The following GALK2 variants were observed in gnomAD, a reference collection of about 807,000 sequenced individuals.
The protein encoded by GALK2 is N-acetylgalactosamine kinase.
In GALK2, 36 loss-of-function variants were observed where a neutral mutation model predicts 52.4. The observed-to-expected ratio is 0.69, with a 90% CI of 0.53 to 0.91. The LOEUF (loss-of-function observed/expected upper bound fraction) is 0.91. Ranked by LOEUF, GALK2 falls within the 40% of genes least tolerant of loss-of-function variation. GALK2 has a pLI of 0.00. For missense variants in GALK2, 579 were observed against 559.1 expected, an observed-to-expected ratio of 1.04 and a Z score of -0.36; for synonymous variants, 176 against 199.1, an observed-to-expected ratio of 0.88 and a Z score of 0.98.
At chr15:49,351,951 T>C (rs2042317499) in intron 3 of GALK2, among the ~76,000 whole-genome samples, 1 of 152,222 alleles carries the variant, frequency 6.6e-6, no homozygotes, top group Non-Finnish European at 1.5e-5. Flanking sequence ...ATTTATATTA[T>C]TACCTCTGTA....
intron 5 of GALK2, among the ~76,000 whole-genome samples, chr15:49,244,106 T>C (rs2091232910): frequency 6.6e-6 from 1 of 151,892 alleles, no homozygotes; most frequent in South Asian, 2.1e-4. Flanking sequence ...TATTAGAAAT[T>C]ATTATTATTA....
Position 49,170,248 on chromosome 15 carries a change from C to G in GALK2, c.-75C>G. The G allele has an allele frequency of 6.5e-7, 1 of 1,543,736 alleles. No individual in the cohort carries two copies. Among genetic ancestry groups the G allele is most frequent in the Non-Finnish European group, 8.8e-7 (1 of 1,141,890 alleles). On this transcript the variant is annotated 5_prime_UTR_variant, in exon 1 of 10. Coordinates refer to ENST00000560031, the MANE Select transcript of GALK2 (RefSeq NM_002044.4). Reference sequence around the variant, plus strand: ...TCCCGGAAGAAAACGGCTCCTGTCACAGAAGTCTCGTGATTGCTCTGGGAG... The same window carrying G: ...TCCCGGAAGAAAACGGCTCCTGTCAGAGAAGTCTCGTGATTGCTCTGGGAG...
At position 49,193,708 on chromosome 15, in the gene GALK2, T is replaced by A. The variant is rs672777; in HGVS notation, c.54-7454T>A. On this transcript the variant is annotated intron_variant, in intron 1 of 9. Coordinates refer to ENST00000560031, the MANE Select transcript of GALK2 (RefSeq NM_002044.4). ...AGAAGTCTAACCAATTGTACTAGCA[T>A]TCTGTTTTTTTATTTTTTTATTTTT... 1.8e-4 allele frequency among the ~76,000 whole-genome samples: 27 copies of A among 151,524 alleles called. No homozygotes were observed. The East Asian group carries it at 5.3e-3, about 30-fold the overall frequency.
chr15:49,225,345 A>C, intron 3 of GALK2: 1 of 414,924 alleles, frequency 2.4e-6, no homozygotes, highest in Non-Finnish European at 4.8e-6. Flanking sequence ...GCCACACAGC[A>C]GGAGGTGAGT....
chr15:49,360,352 A>G (rs2043991245), intron 3 of GALK2, among the ~76,000 whole-genome samples: 1 of 152,198 alleles, frequency 6.6e-6, no homozygotes. Flanking sequence ...AACTGCAACA[A>G]AATGTGAATG....
At chr15:49,276,574 C>A (rs1442581537) in intron 5 of GALK2, among the ~76,000 whole-genome samples, 1 of 152,226 alleles carries the variant, frequency 6.6e-6, no homozygotes, top group Non-Finnish European at 1.5e-5. Context: ...GCAAGTCACT[C>A]TGTCTGATTA....
At chr15:49,209,170 A>G (rs558471745) in intron 2 of GALK2, among the ~76,000 whole-genome samples, 1 of 152,316 alleles carries the variant, frequency 6.6e-6, no homozygotes, top group South Asian at 2.1e-4. Flanking sequence ...AACACTAGCT[A>G]TTTTTAATAC....
intron 3 of GALK2, among the ~76,000 whole-genome samples, chr15:49,364,403 G>C (rs530259988): frequency 5.3e-5 from 8 of 152,230 alleles, no homozygotes; most frequent in African/African-American, 1.9e-4. Flanking sequence ...TGTGCATAGA[G>C]ATGTTCATAG....
intron 3 of GALK2, among the ~76,000 whole-genome samples, chr15:49,355,695 A>G (rs2043034775): frequency 6.6e-6 from 1 of 151,348 alleles, no homozygotes; most frequent in Non-Finnish European, 1.5e-5. Flanking sequence ...AACTTCCCCA[A>G]TCTAGCAAGG....
intron 2 of GALK2, among the ~76,000 whole-genome samples, chr15:49,208,250 CTGTT>C (rs2141340000): frequency 1.3e-5 from 2 of 152,278 alleles, no homozygotes; most frequent in Non-Finnish European, 2.9e-5. Flanking sequence ...CTTAGATTGT[CTGTT>C]TGTGCTCTTT....
intron 1 of GALK2, among the ~76,000 whole-genome samples, chr15:49,164,273 T>C (rs1463215387): frequency 1.3e-5 from 2 of 152,154 alleles, no homozygotes; most frequent in East Asian, 1.9e-4. Flanking sequence ...AAGTATTATT[T>C]TGAGCCGAAG....
chr15:49,294,515 TGAA>T (rs1489145379), intron 8 of GALK2, among the ~76,000 whole-genome samples: 3 of 152,192 alleles, frequency 2.0e-5, no homozygotes, highest in Non-Finnish European at 4.4e-5. Context: ...ATTTATTGAA[TGAA>T]GAAGTTGGGT....
intron 5 of GALK2, among the ~76,000 whole-genome samples, 200 bp from the exon 6 acceptor site, chr15:49,281,787 C>T (rs531643153): frequency 6.6e-6 from 1 of 152,234 alleles, no homozygotes; most frequent in Admixed American, 6.5e-5. Context: ...TATTCCATAC[C>T]CATAGCAGAC....
intron 3 of GALK2, among the ~76,000 whole-genome samples, chr15:49,354,988 C>T (rs936613334): frequency 5.3e-5 from 8 of 151,826 alleles, no homozygotes; most frequent in African/African-American, 1.9e-4. Flanking sequence ...ACACTGACAC[C>T]TCACACGGCA....
At position 49,319,637 on chromosome 15, in the gene GALK2, A is replaced by G. The variant is rs989329371; in HGVS notation, c.1001A>G (p.His334Arg). 8.1e-6 allele frequency: 13 copies of G among 1,614,062 alleles called. No individual in the cohort carries two copies. Among genetic ancestry groups the G allele is most frequent in the Non-Finnish European group, 1.1e-5 (13 of 1,180,042 alleles). The stretch of plus-strand genomic sequence containing the variant: ...TTCAAACTCTATCAGCGGGCAAAGC[A>G]TGTGTACAGCGAGGCTGCGCGAGTG... The part of the protein sequence containing the change: ...LIFKLYQRAK[H>R]VYSEAARVLQ... The change falls in exon 9 of 10, where the codon CAT becomes CGT. Residue 334 changes from histidine (H) to arginine (R), a missense_variant. Physicochemically the swap from His to Arg is conservative, Grantham distance 29. Transcript: ENST00000560031.
chr15:49,236,484 A>C (rs1056547823), intron 4 of GALK2, among the ~76,000 whole-genome samples: 4 of 152,212 alleles, frequency 2.6e-5, no homozygotes, highest in African/African-American at 4.8e-5. Flanking sequence ...GGATTAAAAA[A>C]AGATATAATG....
At chr15:49,366,486 G>T in intron 3 of GALK2, 1 of 1,169,498 alleles carries the variant, frequency 8.6e-7, no homozygotes, top group Non-Finnish European at 1.3e-6. Context: ...GCGGAAGTCA[G>T]ATTCATCAAA....
chr15:49,292,180 T>C, intron 7 of GALK2, 147 bp from the exon 8 acceptor site: 1 of 670,648 alleles, frequency 1.5e-6, no homozygotes, highest in Non-Finnish European at 2.5e-6. Context: ...CCAGTATGCA[T>C]TTCCAAGTAA....
At chr15:49,310,598 A>G (rs1307605125) in intron 8 of GALK2, among the ~76,000 whole-genome samples, 1 of 152,170 alleles carries the variant, frequency 6.6e-6, no homozygotes, top group East Asian at 1.9e-4. Context: ...GTGAGACGAT[A>G]CCTCATGGTG....
Sources: allele counts gnomAD v4.1 joint callset (sites outside exome capture counted in the v4.1 genomes callset), GRCh38; gene constraint gnomAD v4.1.1; transcripts MANE v1.5; gene names NCBI Gene and HGNC (gene_info 2026-07-23, HGNC 2026-07-21).